The following EEIG2 variants were observed in gnomAD, a reference collection of about 807,000 sequenced individuals.
EEIG2 encodes family with sequence similarity 102 member B.
the EEIG2 span, among the ~76,000 whole-genome samples, chr1:108,587,126 G>A: frequency 6.6e-6 from 1 of 152,082 alleles, no homozygotes; most frequent in Non-Finnish European, 1.5e-5. Flanking sequence ...CTTAGTTTGG[G>A]CTGGTGTAGA....
At chr1:108,604,776 C>T in the EEIG2 span, among the ~76,000 whole-genome samples, 1 of 151,140 alleles carries the variant, frequency 6.6e-6, no homozygotes, top group Non-Finnish European at 1.5e-5. Flanking sequence ...CACCTGTAAT[C>T]CCAGCAATTT....
chr1:108,607,283 A>C, the EEIG2 span, among the ~76,000 whole-genome samples: 16 of 152,322 alleles, frequency 1.1e-4, no homozygotes, highest in African/African-American at 2.4e-4. Context: ...GTATGACAAA[A>C]ATCCAGCTGC....
the EEIG2 span, among the ~76,000 whole-genome samples, chr1:108,582,975 C>CCCCA: frequency 6.6e-6 from 1 of 151,494 alleles, no homozygotes. Flanking sequence ...GATTTGAACC[C>CCCCA]CCCACACACA....
the EEIG2 span, chr1:108,624,533 G>A: frequency 1.5e-6 from 1 of 684,720 alleles, no homozygotes; most frequent in East Asian, 2.7e-5. Flanking sequence ...CACTCTCAAA[G>A]GGGTAACATT....
At chr1:108,634,036 C>T in the EEIG2 span, among the ~76,000 whole-genome samples, 5 of 152,176 alleles carry the variant, frequency 3.3e-5, no homozygotes, top group Non-Finnish European at 5.9e-5. Flanking sequence ...CACAGTCCTG[C>T]ACTGCCTGTT....
chr1:108,625,774 C>CTCTCTGTGTGTG, the EEIG2 span: 1 of 23,220 alleles, frequency 4.3e-5, no homozygotes, highest in African/African-American at 6.5e-5. Context: ...CTCTCTCTCT[C>CTCTCTGTGTGTG]TGTGTGTGTG....
At chr1:108,595,659 C>T in the EEIG2 span, among the ~76,000 whole-genome samples, 2 of 125,724 alleles carry the variant, frequency 1.6e-5, no homozygotes, top group Admixed American at 8.6e-5. Flanking sequence ...ATAGCTTTTA[C>T]ATGCTGGAAG....
the EEIG2 span, chr1:108,627,911 GA>G: frequency 2.2e-6 from 1 of 458,074 alleles, no homozygotes; most frequent in Non-Finnish European, 4.0e-6. Flanking sequence ...TGCATAGACT[GA>G]ACTAATAAAG....
chr1:108,580,932 C>G, the EEIG2 span, among the ~76,000 whole-genome samples: 1 of 152,134 alleles, frequency 6.6e-6, no homozygotes. Context: ...TCAATGTAGA[C>G]AAAACAGCCA....
chr1:108,595,049 C>T, the EEIG2 span, among the ~76,000 whole-genome samples: 4 of 152,110 alleles, frequency 2.6e-5, no homozygotes, highest in Non-Finnish European at 5.9e-5. Context: ...ATTACTCAGG[C>T]GAAAGCTGCC....
chr1:108,606,128 A>C, the EEIG2 span: 2 of 716,900 alleles, frequency 2.8e-6, no homozygotes. Flanking sequence ...GATATTTGCC[A>C]GCATATATAT....
chr1:108,590,622 G>A, the EEIG2 span, among the ~76,000 whole-genome samples: 4 of 152,200 alleles, frequency 2.6e-5, no homozygotes, highest in Admixed American at 2.0e-4. Flanking sequence ...CGTGTCCAGC[G>A]TGACAGTTGG....
At chr1:108,595,781 G>GTAGTAGCTTT in the EEIG2 span, among the ~76,000 whole-genome samples, 9 of 152,064 alleles carry the variant, frequency 5.9e-5, no homozygotes, top group Admixed American at 5.9e-4. Context: ...GGAGGGAAAT[G>GTAGTAGCTTT]TAGTAGCTTT....
chr1:108,572,685 G>A, the EEIG2 span, among the ~76,000 whole-genome samples: 1 of 151,712 alleles, frequency 6.6e-6, no homozygotes, highest in Non-Finnish European at 1.5e-5. Context: ...GTGCGATCTC[G>A]GCTCACTGCA....
the EEIG2 span, among the ~76,000 whole-genome samples, chr1:108,594,044 GCAATC>G: frequency 6.6e-6 from 1 of 152,228 alleles, no homozygotes; most frequent in East Asian, 1.9e-4. Flanking sequence ...CTGAGCTCAA[GCAATC>G]CGCTTGCCTT....
At chr1:108,629,342 G>T in the EEIG2 span, among the ~76,000 whole-genome samples, 452 of 152,242 alleles carry the variant, frequency 3.0e-3, 3 homozygotes, top group Non-Finnish European at 4.5e-3. Context: ...CCTTACTTTG[G>T]AAATTTCTAG....
the EEIG2 span, chr1:108,629,698 T>C: frequency 1.4e-5 from 21 of 1,479,864 alleles, no homozygotes; most frequent in African/African-American, 2.8e-5. Flanking sequence ...TATAGACTAA[T>C]TTTTTTAAAA....
At chr1:108,578,640 G>A in the EEIG2 span, among the ~76,000 whole-genome samples, 1 of 151,894 alleles carries the variant, frequency 6.6e-6, no homozygotes, top group African/African-American at 2.4e-5. Flanking sequence ...TTGCATCCCA[G>A]ATTCACCGAA....
At chr1:108,592,282 A>T in the EEIG2 span, among the ~76,000 whole-genome samples, 3 of 152,230 alleles carry the variant, frequency 2.0e-5, no homozygotes, top group African/African-American at 7.2e-5. Context: ...GACTTCAGTT[A>T]TTCATTTGGT....
Sources: allele counts gnomAD v4.1 joint callset (sites outside exome capture counted in the v4.1 genomes callset), GRCh38; gene constraint gnomAD v4.1.1; transcripts MANE v1.5; gene names NCBI Gene and HGNC (gene_info 2026-07-23, HGNC 2026-07-21).